CMSS1: variants seen among roughly 807,000 people sequenced by gnomAD.
CMSS1 encodes protein CMSS1.
CMSS1 carries 33 observed loss-of-function variants against 43.5 expected under a neutral mutation model. The observed-to-expected ratio is 0.76, with a 90% confidence interval of 0.57 to 1.01. CMSS1 has a LOEUF of 1.01. CMSS1 is among the 50% of genes least tolerant of loss of function. The pLI is 0.00. For synonymous variants in CMSS1, 115 were observed against 117.2 expected (o/e 0.98, Z 0.12); for missense variants, 313 against 326.4 (o/e 0.96, Z 0.32).
Position 99,849,958 on chromosome 3 carries a change from G to T in CMSS1, c.64+31915G>T, listed in dbSNP as rs774617850. 3.7e-6 allele frequency: 6 copies of T among 1,612,196 alleles called. No individual in the cohort carries two copies. In the Admixed American group the frequency reaches 8.4e-5, roughly 22 times the overall value. On this transcript the variant is annotated intron_variant, in intron 1 of 9. Transcript: ENST00000421999. The stretch of plus-strand genomic sequence containing the variant: ...GAGATCATTTCCTTTCTCTTCTTCC[G>T]CTTTCAATTTGTTTTTTAAATCATC...
At chr3:100,033,894 A>G (rs1289226598) in intron 1 of CMSS1, among the ~76,000 whole-genome samples, 1 of 152,178 alleles carries the variant, frequency 6.6e-6, no homozygotes, top group African/African-American at 2.4e-5. Context: ...TGACTGTTTT[A>G]TGTATAACTG....
chr3:99,887,517 A>C (rs762080644), intron 1 of CMSS1, among the ~76,000 whole-genome samples: 10 of 152,196 alleles, frequency 6.6e-5, no homozygotes, highest in African/African-American at 2.4e-4. Flanking sequence ...GGCTACGAAT[A>C]GGTCTTAAAA....
At chr3:99,928,735 A>G (rs1269079343) in intron 1 of CMSS1, among the ~76,000 whole-genome samples, 2 of 152,334 alleles carry the variant, frequency 1.3e-5, no homozygotes, top group East Asian at 3.9e-4. Context: ...ATTTGAGCTC[A>G]CAGGGGTTGG....
At chr3:99,839,754 G>C (rs888740078) in intron 1 of CMSS1, among the ~76,000 whole-genome samples, 12 of 152,188 alleles carry the variant, frequency 7.9e-5, no homozygotes, top group African/African-American at 2.9e-4. Flanking sequence ...CAGCCAGTCT[G>C]TCAAGTAAGT....
intron 1 of CMSS1, among the ~76,000 whole-genome samples, chr3:99,859,331 G>C (rs1476773326): frequency 3.9e-5 from 6 of 152,182 alleles, no homozygotes; most frequent in African/African-American, 1.4e-4. Flanking sequence ...CATACTTACA[G>C]TATTCTCCCA....
chr3:99,977,852 T>A (rs1391269520), intron 1 of CMSS1, among the ~76,000 whole-genome samples: 1 of 152,036 alleles, frequency 6.6e-6, no homozygotes, highest in Non-Finnish European at 1.5e-5. Flanking sequence ...ATAAGAGAAA[T>A]CTGTTACCAT....
intron 1 of CMSS1, among the ~76,000 whole-genome samples, chr3:100,022,666 T>A (rs2064847096): frequency 6.6e-6 from 1 of 152,216 alleles, no homozygotes; most frequent in Non-Finnish European, 1.5e-5. Context: ...GGAGATTCCA[T>A]TCTGCCTGAC....
intron 8 of CMSS1, among the ~76,000 whole-genome samples, chr3:100,173,033 T>C (rs1172958831): frequency 6.6e-6 from 1 of 152,218 alleles, no homozygotes; most frequent in Admixed American, 6.5e-5. Flanking sequence ...TTATGTATTA[T>C]ATAATAGAGC....
At chr3:99,866,095 C>A (rs1348367031) in intron 1 of CMSS1, among the ~76,000 whole-genome samples, 1 of 151,282 alleles carries the variant, frequency 6.6e-6, no homozygotes, top group East Asian at 1.9e-4. Context: ...CTCCTTTATT[C>A]TCTCCTTTGT....
At chr3:100,067,295 G>T (rs971362484) in intron 1 of CMSS1, among the ~76,000 whole-genome samples, 5 of 152,120 alleles carry the variant, frequency 3.3e-5, no homozygotes, top group African/African-American at 4.8e-5. Flanking sequence ...GGCTTTCTTG[G>T]CATTTATACA....
intron 1 of CMSS1, among the ~76,000 whole-genome samples, chr3:100,142,723 C>T (rs1163255637): frequency 6.6e-6 from 1 of 152,030 alleles, no homozygotes; most frequent in Admixed American, 6.6e-5. Context: ...GTAGGTCATT[C>T]TTTTTACCTC....
chr3:100,115,666 ATTTTGGTGTGTGTATAT>A (rs548140628), intron 1 of CMSS1, among the ~76,000 whole-genome samples: 31 of 114,924 alleles, frequency 2.7e-4, no homozygotes, highest in African/African-American at 1.0e-3. Flanking sequence ...CCGTGAGTTT[ATTTTGGTGTGTGTATAT>A]TTTTTTCTGA....
At chr3:100,146,831 T>G in intron 1 of CMSS1, 142 bp from the exon 2 acceptor site, 1 of 1,046,348 alleles carries the variant, frequency 9.6e-7, no homozygotes, top group Non-Finnish European at 1.3e-6. Flanking sequence ...TCTGTTTTAC[T>G]TTGGACCATT....
chr3:100,140,703 C>CT (rs2066797399), intron 1 of CMSS1, among the ~76,000 whole-genome samples: 1 of 151,942 alleles, frequency 6.6e-6, no homozygotes, highest in African/African-American at 2.4e-5. Context: ...AGGTTGTTCG[C>CT]TAGGGCAGAT....
chr3:99,849,464 G>A, intron 1 of CMSS1: 2 of 1,613,758 alleles, frequency 1.2e-6, no homozygotes, highest in Non-Finnish European at 1.7e-6. Flanking sequence ...CCCTGGAGGT[G>A]ACATATTAGG....
intron 1 of CMSS1, among the ~76,000 whole-genome samples, chr3:100,135,599 C>T (rs1463339220): frequency 1.3e-5 from 2 of 150,952 alleles, no homozygotes; most frequent in Non-Finnish European, 2.9e-5. Context: ...CTGCCTCAGC[C>T]TCCCAAGTTG....
chr3:99,959,738 T>C (rs1419032545), intron 1 of CMSS1, among the ~76,000 whole-genome samples: 1 of 152,230 alleles, frequency 6.6e-6, no homozygotes, highest in Non-Finnish European at 1.5e-5. Flanking sequence ...TCCACTGGAT[T>C]ATCACATTAG....
chr3:100,132,648 T>C (rs2066718049), intron 1 of CMSS1, among the ~76,000 whole-genome samples: 1 of 151,518 alleles, frequency 6.6e-6, no homozygotes, highest in African/African-American at 2.4e-5. Context: ...TGAAACCCCG[T>C]CTCTACTAAA....
At chr3:99,840,221 CTTT>C (rs10935982) in intron 1 of CMSS1, among the ~76,000 whole-genome samples, 17 of 102,130 alleles carry the variant, frequency 1.7e-4, no homozygotes, top group South Asian at 3.6e-4. Context: ...TTCGTAGAAT[CTTT>C]TTTTTTTTTT....
Sources: allele counts gnomAD v4.1 joint callset (sites outside exome capture counted in the v4.1 genomes callset), GRCh38; gene constraint gnomAD v4.1.1; transcripts MANE v1.5; gene names NCBI Gene and HGNC (gene_info 2026-07-23, HGNC 2026-07-21).